Variants in GABRB1 observed in about 807,000 individuals in gnomAD.
The protein encoded by GABRB1 is gamma-aminobutyric acid receptor subunit beta-1.
A neutral mutation model predicts 51.6 loss-of-function variants in GABRB1; 17 were observed. The ratio of observed to expected loss-of-function variants is 0.33; its 90% CI spans 0.23 to 0.49. The LOEUF is 0.49. Among genes scored for constraint, GABRB1 ranks in the 20% least tolerant of loss-of-function variants. GABRB1 has a pLI of 0.99. For missense variants in GABRB1, 410 were observed against 600.6 expected, an observed-to-expected ratio of 0.68 and a Z score of 3.32; for synonymous variants, 247 against 218.9, an observed-to-expected ratio of 1.13 and a Z score of -1.14.
At chr4:47,042,440 A>ATAT in intron 3 of GABRB1, among the ~76,000 whole-genome samples, 1 of 126,188 alleles carries the variant, frequency 7.9e-6, no homozygotes, top group Non-Finnish European at 1.7e-5. Context: ...ATATATATAT[A>ATAT]AAATACGTGT....
intron 3 of GABRB1, among the ~76,000 whole-genome samples, chr4:47,105,341 C>G (rs1714916227): frequency 6.6e-6 from 1 of 151,998 alleles, no homozygotes. Context: ...TGCTCTTGAC[C>G]CTCTCCCAGC....
intron 4 of GABRB1, among the ~76,000 whole-genome samples, chr4:47,295,470 T>G (rs990108015): frequency 6.6e-6 from 1 of 152,070 alleles, no homozygotes; most frequent in Non-Finnish European, 1.5e-5. Context: ...TGCAGAAGCC[T>G]CAGGAGCCGA....
intron 1 of GABRB1, among the ~76,000 whole-genome samples, chr4:47,011,231 G>C (rs1560495169): frequency 6.6e-6 from 1 of 152,102 alleles, no homozygotes; most frequent in Non-Finnish European, 1.5e-5. Context: ...TTCCTGTTTT[G>C]CCCAAGACCT....
intron 4 of GABRB1, among the ~76,000 whole-genome samples, chr4:47,211,784 C>T (rs1720368688): frequency 1.3e-5 from 2 of 152,238 alleles, no homozygotes; most frequent in East Asian, 1.9e-4. Context: ...GTGCCCTTTC[C>T]TTTTCTGGCT....
Position 47,164,624 on chromosome 4 carries a change from C to A in GABRB1, c.461+3155C>A, listed in dbSNP as rs62305327. Among the ~76,000 whole-genome samples the A allele has an allele frequency of 4.9e-3, 744 of 152,114 alleles. 7 individuals carry two copies. The highest frequency in any genetic ancestry group is 9.2e-3 in the Non-Finnish European group (624 of 67,964). On this transcript the variant is annotated intron_variant, in intron 4 of 8. Coordinates refer to ENST00000295454, the MANE Select transcript of GABRB1 (RefSeq NM_000812.4). Reference sequence around the variant, plus strand: ...AGCCTTTGGCTAGGTATTCCATAATCGTAACAGCATGTCATTAAACAAAAT... The same window carrying A: ...AGCCTTTGGCTAGGTATTCCATAATAGTAACAGCATGTCATTAAACAAAAT...
At chr4:47,158,952 A>G (rs1717819662) in intron 3 of GABRB1, among the ~76,000 whole-genome samples, 1 of 152,108 alleles carries the variant, frequency 6.6e-6, no homozygotes, top group East Asian at 1.9e-4. Context: ...GATGCTCACA[A>G]AAAACCAGTA....
intron 4 of GABRB1, among the ~76,000 whole-genome samples, chr4:47,176,013 A>T (rs1718679640): frequency 1.3e-5 from 2 of 152,116 alleles, no homozygotes; most frequent in Admixed American, 1.3e-4. Context: ...TACACAACTA[A>T]TTTTTCTTAT....
At chr4:47,377,572 G>A (rs375243858) in intron 5 of GABRB1, among the ~76,000 whole-genome samples, 8 of 152,208 alleles carry the variant, frequency 5.3e-5, no homozygotes, top group African/African-American at 1.9e-4. Context: ...CCATAGTCTG[G>A]AAGGGGACCC....
chr4:47,124,652 A>G (rs1336845563), intron 3 of GABRB1, among the ~76,000 whole-genome samples: 4 of 152,226 alleles, frequency 2.6e-5, no homozygotes, highest in Non-Finnish European at 4.4e-5. Context: ...TGGAAGTTCA[A>G]CAAAGAAATA....
At chr4:47,240,823 T>C (rs2109847837) in intron 4 of GABRB1, among the ~76,000 whole-genome samples, 1 of 152,320 alleles carries the variant, frequency 6.6e-6, no homozygotes, top group Admixed American at 6.5e-5. Context: ...GTTAGAGGCA[T>C]TCAATATTAC....
intron 5 of GABRB1, among the ~76,000 whole-genome samples, chr4:47,397,483 T>G (rs961938437): frequency 2.0e-5 from 3 of 152,218 alleles, no homozygotes; most frequent in Non-Finnish European, 4.4e-5. Context: ...TTCTTTCAGT[T>G]CCAGCACTGG....
chr4:47,050,070 C>A (rs929644743), intron 3 of GABRB1, among the ~76,000 whole-genome samples: 2 of 152,316 alleles, frequency 1.3e-5, no homozygotes, highest in East Asian at 3.9e-4. Flanking sequence ...GCTTAACTAT[C>A]TATGTGCTAT....
intron 4 of GABRB1, among the ~76,000 whole-genome samples, chr4:47,209,550 G>A (rs1720268281): frequency 6.6e-6 from 1 of 151,730 alleles, no homozygotes; most frequent in Non-Finnish European, 1.5e-5. Context: ...CACTCTCTTG[G>A]TGTTCATTGC....
At chr4:47,001,134 GT>G (rs201759656) in intron 1 of GABRB1, among the ~76,000 whole-genome samples, 2,182 of 152,028 alleles carry the variant, frequency 0.014, 41 homozygotes, top group African/African-American at 0.05. Context: ...TTTAATTTTA[GT>G]TTTTTATGTT....
At chr4:47,004,146 G>T (rs1211463358) in intron 1 of GABRB1, among the ~76,000 whole-genome samples, 2 of 151,942 alleles carry the variant, frequency 1.3e-5, no homozygotes, top group African/African-American at 4.8e-5. Context: ...GTCCCACCAA[G>T]CCTGTCTAAC....
chr4:47,035,546 A>G (rs1199018683), intron 3 of GABRB1, among the ~76,000 whole-genome samples: 1 of 152,152 alleles, frequency 6.6e-6, no homozygotes, highest in Non-Finnish European at 1.5e-5. Context: ...TACTGTTACC[A>G]TTTTCTAAAC....
At chr4:47,282,549 A>G (rs964339678) in intron 4 of GABRB1, among the ~76,000 whole-genome samples, 3 of 152,202 alleles carry the variant, frequency 2.0e-5, no homozygotes, top group African/African-American at 7.2e-5. Context: ...GTAACTGGGA[A>G]TAGCAACTAA....
chr4:47,169,059 A>G (rs1397501603), intron 4 of GABRB1, among the ~76,000 whole-genome samples: 1 of 152,066 alleles, frequency 6.6e-6, no homozygotes, highest in African/African-American at 2.4e-5. Context: ...TAAAGACTCT[A>G]TTTTCAAATA....
chr4:47,084,835 A>C (rs763363271), intron 3 of GABRB1, among the ~76,000 whole-genome samples: 3 of 152,174 alleles, frequency 2.0e-5, no homozygotes, highest in Non-Finnish European at 4.4e-5. Flanking sequence ...ACCCTCTGTT[A>C]CCCACTTTGA....
Sources: allele counts gnomAD v4.1 joint callset (sites outside exome capture counted in the v4.1 genomes callset), GRCh38; gene constraint gnomAD v4.1.1; transcripts MANE v1.5; gene names NCBI Gene and HGNC (gene_info 2026-07-23, HGNC 2026-07-21).